PARD3: variants seen among roughly 807,000 people sequenced by gnomAD.
PARD3 encodes the protein partitioning defective 3 homolog.
A neutral mutation model predicts 155.4 loss-of-function variants in PARD3; 75 were observed. The ratio of observed to expected loss-of-function variants is 0.48; its 90% CI spans 0.40 to 0.58. The LOEUF (loss-of-function observed/expected upper bound fraction) is 0.58, where lower values mean the gene tolerates loss of function less well. Among genes scored for constraint, PARD3 ranks in the 20% least tolerant of loss-of-function variants. The pLI, the probability that PARD3 is intolerant of heterozygous loss-of-function variation, is 0.00. For synonymous variants in PARD3, 576 were observed against 610.5 expected, an observed-to-expected ratio of 0.94 and a Z score of 0.83; for missense variants, 1,642 against 1,721.7, an observed-to-expected ratio of 0.95 and a Z score of 0.82.
chr10:34,737,930 T>C (rs569981221), intron 1 of PARD3, among the ~76,000 whole-genome samples: 24 of 152,142 alleles, frequency 1.6e-4, no homozygotes, highest in African/African-American at 4.8e-4. Context: ...AGAACTGCCA[T>C]TGAGAATGCC....
At position 34,501,316 on chromosome 10, in the gene PARD3, C is replaced by A. The variant is rs149910880; in HGVS notation, c.403+15663G>T. The stretch of plus-strand genomic sequence containing the variant: ...TCATTTAAAAGTGTGTGTGTGGCAC[C>A]CCCCTCTGCCCGACTTGCTCCTGCT... On this transcript the variant is annotated intron_variant, in intron 3 of 24. Coordinates refer to ENST00000374788, the MANE Select transcript of PARD3 (RefSeq NM_001184785.2). 7.6e-3 allele frequency among the ~76,000 whole-genome samples: 1,151 copies of A among 152,110 alleles called. 16 individuals carry two copies. Among genetic ancestry groups the A allele is most frequent in the African/African-American group, 0.025 (1,055 of 41,478 alleles).
At chr10:34,810,842 G>C (rs1255613748) in intron 1 of PARD3, among the ~76,000 whole-genome samples, 1 of 152,118 alleles carries the variant, frequency 6.6e-6, no homozygotes, top group African/African-American at 2.4e-5. Context: ...CCCTGCCAGG[G>C]AATATTCCAC....
intron 1 of PARD3, among the ~76,000 whole-genome samples, chr10:34,800,169 C>G (rs541624656): frequency 6.6e-6 from 1 of 151,584 alleles, no homozygotes; most frequent in African/African-American, 2.4e-5. Context: ...CTTATCCTCT[C>G]TAGCCCAAGC....
At chr10:34,319,396 G>A (rs1958237933) in intron 19 of PARD3, among the ~76,000 whole-genome samples, 1 of 152,158 alleles carries the variant, frequency 6.6e-6, no homozygotes, top group Non-Finnish European at 1.5e-5. Context: ...GCATATAAAT[G>A]ACTTCAGAAA....
intron 24 of PARD3, among the ~76,000 whole-genome samples, chr10:34,113,582 T>C (rs1260131787): frequency 2.6e-5 from 4 of 152,006 alleles, no homozygotes; most frequent in Non-Finnish European, 2.9e-5. Flanking sequence ...TAGCAGTATC[T>C]ATATGCTCTT....
intron 22 of PARD3, among the ~76,000 whole-genome samples, chr10:34,175,372 T>C (rs956631403): frequency 9.2e-5 from 14 of 152,222 alleles, no homozygotes; most frequent in Admixed American, 8.5e-4. Flanking sequence ...TGTACATGTG[T>C]GTGCTTATGC....
intron 2 of PARD3, among the ~76,000 whole-genome samples, chr10:34,534,363 T>A (rs1410021395): frequency 2.0e-5 from 3 of 151,708 alleles, no homozygotes; most frequent in African/African-American, 7.3e-5. Flanking sequence ...TGAGTTCCAC[T>A]CCAAAGGACG....
intron 24 of PARD3, among the ~76,000 whole-genome samples, chr10:34,118,994 T>G (rs1946832964): frequency 6.6e-6 from 1 of 152,200 alleles, no homozygotes; most frequent in South Asian, 2.1e-4. Flanking sequence ...CTGAGACCCT[T>G]GCAGGCCTTT....
At chr10:34,183,606 T>C (rs1266047553) in intron 22 of PARD3, among the ~76,000 whole-genome samples, 4 of 152,194 alleles carry the variant, frequency 2.6e-5, no homozygotes, top group Admixed American at 2.6e-4. Context: ...TAACACCATG[T>C]GTTCAAAACA....
chr10:34,484,102 T>G (rs1029469100), intron 3 of PARD3, among the ~76,000 whole-genome samples: 6 of 152,144 alleles, frequency 3.9e-5, no homozygotes, highest in Non-Finnish European at 8.8e-5. Context: ...ACGAAAAACA[T>G]GGCACCAAAT....
intron 5 of PARD3, among the ~76,000 whole-genome samples, chr10:34,432,868 A>G (rs918599562): frequency 4.6e-5 from 7 of 152,188 alleles, no homozygotes; most frequent in Non-Finnish European, 8.8e-5. Context: ...CATCCAGAGA[A>G]ATGACCAGCA....
chr10:34,669,652 G>A (rs372160830), intron 2 of PARD3, among the ~76,000 whole-genome samples: 95 of 151,668 alleles, frequency 6.3e-4, no homozygotes, highest in East Asian at 5.6e-3. Flanking sequence ...ATTATGCACC[G>A]TAAGAGAGAA....
At chr10:34,657,573 C>T (rs1469361846) in intron 2 of PARD3, among the ~76,000 whole-genome samples, 3 of 152,006 alleles carry the variant, frequency 2.0e-5, no homozygotes, top group Admixed American at 2.0e-4. Flanking sequence ...GAGTCTTGTT[C>T]TGTTGCCCAG....
At chr10:34,356,095 T>C (rs1021239997) in intron 14 of PARD3, among the ~76,000 whole-genome samples, 2 of 151,756 alleles carry the variant, frequency 1.3e-5, no homozygotes, top group African/African-American at 4.8e-5. Context: ...AGGAGACACT[T>C]TGAGAATGAC....
chr10:34,240,515 T>C (rs1953513127), intron 22 of PARD3, among the ~76,000 whole-genome samples: 1 of 152,210 alleles, frequency 6.6e-6, no homozygotes, highest in South Asian at 2.1e-4. Context: ...ATAACAATTT[T>C]CAGGAGTTTT....
At chr10:34,709,604 C>T (rs953417828) in intron 1 of PARD3, among the ~76,000 whole-genome samples, 1 of 151,732 alleles carries the variant, frequency 6.6e-6, no homozygotes, top group Non-Finnish European at 1.5e-5. Flanking sequence ...TATGACTACC[C>T]CTGGGCTGAG....
At chr10:34,156,092 CTGAT>C (rs1948992648) in intron 22 of PARD3, among the ~76,000 whole-genome samples, 1 of 152,102 alleles carries the variant, frequency 6.6e-6, no homozygotes, top group South Asian at 2.1e-4. Context: ...AATTGGATGA[CTGAT>C]TCTCATATTT....
intron 22 of PARD3, among the ~76,000 whole-genome samples, chr10:34,192,545 C>T (rs919851970): frequency 1.3e-5 from 2 of 152,140 alleles, no homozygotes; most frequent in African/African-American, 4.8e-5. Flanking sequence ...AAAAAATTTT[C>T]ATCTACTTAA....
intron 16 of PARD3, among the ~76,000 whole-genome samples, chr10:34,338,593 C>T (rs993768461): frequency 6.6e-6 from 1 of 152,090 alleles, no homozygotes; most frequent in African/African-American, 2.4e-5. Context: ...CTTTTCCAAC[C>T]CTTTATGGCC....
Sources: allele counts gnomAD v4.1 joint callset (sites outside exome capture counted in the v4.1 genomes callset), GRCh38; gene constraint gnomAD v4.1.1; transcripts MANE v1.5; gene names NCBI Gene and HGNC (gene_info 2026-07-23, HGNC 2026-07-21).